The following CARMIL2 variants were observed in gnomAD, a reference collection of about 807,000 sequenced individuals.
CARMIL2 encodes the protein capping protein regulator and myosin 1 linker 2.
CARMIL2 carries 96 observed loss-of-function variants against 173.3 expected under a neutral mutation model. The ratio of observed to expected loss-of-function variants is 0.55; its 90% CI spans 0.47 to 0.66. CARMIL2 has a LOEUF of 0.66. CARMIL2 is among the 30% of genes least tolerant of loss of function. CARMIL2 has a pLI of 0.00. For synonymous variants in CARMIL2, 830 were observed against 817.1 expected (o/e 1.02, Z -0.27); for missense variants, 1,771 against 1,906.7 (o/e 0.93, Z 1.33).
At position 67,651,133 on chromosome 16, in the gene CARMIL2, G is replaced by T. The variant is rs2052713769; in HGVS notation, c.2185-54G>T. On this transcript the variant is annotated intron_variant, in intron 22 of 37. Transcript: ENST00000334583. The surrounding 1 kb of genome is among the most constrained non-coding windows in gnomAD (Gnocchi z 4.2). The stretch of plus-strand genomic sequence containing the variant: ...AAGAGCCTGGGAGGAAGGCAGGCAG[G>T]ATCTGGGAGACTGGGAGGGGGCTAG... The T allele has an allele frequency of 3.2e-6, 5 of 1,581,408 alleles. No individual in the cohort carries two copies. The highest frequency in any genetic ancestry group is 1.1e-5 in the South Asian group (1 of 87,494).
rs774513832 is a variant in CARMIL2, at chr16:67,647,297, A to T, written c.688-2A>T. On this transcript the variant is annotated splice_acceptor_variant, in intron 9 of 37. Transcript: ENST00000334583. LOFTEE classifies it high-confidence loss of function. ...CGTGAGCCGCCGCCCTCTGCTTCTC[A>T]GAGCCTTGAGGTCTCAGAACAGATT... is the stretch of plus-strand genomic sequence containing the variant. 6.2e-7 allele frequency: 1 copy of T among 1,605,166 alleles called. No homozygotes were observed. Among genetic ancestry groups the T allele is most frequent in the Admixed American group, 1.7e-5 (1 of 58,020 alleles).
chr16:67,652,433 C>T lies in CARMIL2; in HGVS notation c.2818-39C>T, dbSNP rs1431143914. On this transcript the variant is annotated intron_variant, in intron 27 of 37. Coordinates refer to ENST00000334583, the MANE Select transcript of CARMIL2 (RefSeq NM_001013838.3). The surrounding 1 kb of genome is among the most constrained non-coding windows in gnomAD (Gnocchi z 4.7). ...GAAAGGCAGCTCTTTTGGGTTGGTG[C>T]TCTCCTACCCCAGGCTGAGTTTGTG... 12 of 1,611,340 alleles carry T rather than the reference C, an allele frequency of 7.4e-6. No homozygotes were observed. Among genetic ancestry groups the T allele is most frequent in the Admixed American group, 1.7e-5 (1 of 59,836 alleles).
chr16:67,657,021 G>C lies in CARMIL2; in HGVS notation c.4117+140G>C. 1 of 794,806 alleles carries C rather than the reference G, an allele frequency of 1.3e-6. No homozygotes were observed. The highest frequency in any genetic ancestry group is 2.0e-6 in the Non-Finnish European group (1 of 502,488). The allele number at this position is 794,806 out of a possible 1,614,324, so 49.2% of individuals were successfully genotyped here. Reference sequence around the variant, plus strand: ...AAGAAATCAGGGAGCCAGAAGACCAGGTGCAAGGGTTTGACAGCAAGCCCT... The same window carrying C: ...AAGAAATCAGGGAGCCAGAAGACCACGTGCAAGGGTTTGACAGCAAGCCCT... On this transcript the variant is annotated intron_variant, in intron 36 of 37. Transcript: ENST00000334583. This position sits in a 1 kb window ranked among gnomAD's most constrained non-coding sequence, Gnocchi z 4.5.
chr16:67,645,201 C>T lies in CARMIL2; in HGVS notation c.-46C>T, dbSNP rs1201639445. ...TTCCTGTGTGCGCGCTCGTCCTCTG[C>T]TGTTTCCCGCCGGAGCTCGTTGGGC... On this transcript the variant is annotated 5_prime_UTR_variant, in exon 1 of 38. Coordinates refer to ENST00000334583, the MANE Select transcript of CARMIL2 (RefSeq NM_001013838.3). 2.0e-6 allele frequency: 3 copies of T among 1,506,700 alleles called. No individual in the cohort carries two copies. The South Asian group carries it at 3.6e-5, about 18-fold the overall frequency. The allele number at this position is 1,506,700 out of a possible 1,614,324, so 93.3% of individuals were successfully genotyped here.
chr16:67,646,367 C>T lies in CARMIL2; in HGVS notation c.374+57C>T, dbSNP rs576539432. ...GGGAGGAGGGAGTGCATGAGAAGGG[C>T]TGCTTCCCATCCCAGAGGCTGGAAG... On this transcript the variant is annotated intron_variant, in intron 5 of 37. Transcript: ENST00000334583. This position sits in a 1 kb window ranked among gnomAD's most constrained non-coding sequence, Gnocchi z 4.6. The T allele has an allele frequency of 1.9e-6, 3 of 1,607,308 alleles. No homozygotes were observed. The South Asian group carries it at 3.3e-5, about 18-fold the overall frequency.
intron 21 of CARMIL2, 28 bp from the exon 22 acceptor site, chr16:67,650,021 G>T (rs375786958): frequency 1.9e-6 from 3 of 1,613,402 alleles, no homozygotes; most frequent in Admixed American, 3.3e-5. Flanking sequence ...TCCGTCCCTC[G>T]GCATTTCTCA....
intron 32 of CARMIL2, 21 bp downstream of exon 32, chr16:67,654,921 C>T: frequency 6.2e-7 from 1 of 1,612,506 alleles, no homozygotes; most frequent in South Asian, 1.1e-5. Flanking sequence ...GGGACCTGAG[C>T]ATGAAGTGAG....
At position 67,646,255 on chromosome 16, in the gene CARMIL2, C is replaced by G; in HGVS notation, c.319C>G (p.Leu107Val). 1.9e-6 allele frequency: 3 copies of G among 1,613,768 alleles called. No homozygotes were observed. Among genetic ancestry groups the G allele is most frequent in the Non-Finnish European group, 2.5e-6 (3 of 1,179,862 alleles). ...TCCTGGTGTGGCCGCCCTGGAACAG[C>G]TGGCCCAGCACGTGGCTGCAGCCAT... is the stretch of plus-strand genomic sequence containing the variant. ...EFPGVAALEQ[L>V]AQHVAAAIKK... is the part of the protein sequence containing the mutation. Residue 107 changes from leucine to valine, a missense_variant, in exon 5 of 38, where the codon CTG (leucine) becomes GTG (valine). By Grantham distance (32) the Leu-to-Val change is conservative. This residue lies in a region of CARMIL2 where 944 missense variants were observed against 975.6 expected (regional missense o/e 0.97). Transcript: ENST00000334583. The surrounding 1 kb of genome is among the most constrained non-coding windows in gnomAD (Gnocchi z 4.6).
chr16:67,650,184 G>A (rs2052698319), intron 22 of CARMIL2, 34 bp downstream of exon 22: 12 of 1,558,458 alleles, frequency 7.7e-6, no homozygotes, highest in Non-Finnish European at 1.0e-5. Flanking sequence ...GAGAGGTAGG[G>A]CATGAGGAGA....
chr16:67,648,757 G>A lies in CARMIL2; in HGVS notation c.1509+3G>A, dbSNP rs1277548693. The stretch of plus-strand genomic sequence containing the variant: ...ACCTGGACCTCAGCGCTTGCGAGGT[G>A]AGCGCCGGCCCCCAGAAGAGACCAC... On this transcript the variant is annotated splice_donor_region_variant and intron_variant, in intron 16 of 37. Transcript: ENST00000334583. The surrounding 1 kb of genome is among the most constrained non-coding windows in gnomAD (Gnocchi z 6.1). The A allele has an allele frequency of 6.3e-7, 1 of 1,599,834 alleles. No individual in the cohort carries two copies. Among genetic ancestry groups the A allele is most frequent in the South Asian group, 1.1e-5 (1 of 88,654 alleles).
Position 67,646,791 on chromosome 16 carries a change from G to A in CARMIL2, c.537+7G>A. 2 of 1,613,894 alleles carry A rather than the reference G, an allele frequency of 1.2e-6. No individual in the cohort carries two copies. The highest frequency in any genetic ancestry group is 1.7e-6 in the Non-Finnish European group (2 of 1,179,810). The stretch of plus-strand genomic sequence containing the variant: ...CCGAGAGGAGATTCAGTGGGTGAGG[G>A]TAGGGCCCTTTTGAAGGGCTCTGGA... On this transcript the variant is annotated splice_region_variant and intron_variant, in intron 7 of 37. Transcript: ENST00000334583. This position sits in a 1 kb window ranked among gnomAD's most constrained non-coding sequence, Gnocchi z 4.6.
In CARMIL2 at chr16:67,648,339, G is replaced by A. The variant is rs772111698; in HGVS notation, c.1334+25G>A. 1.3e-6 allele frequency: 2 copies of A among 1,570,408 alleles called. No individual in the cohort carries two copies. Among genetic ancestry groups the A allele is most frequent in the South Asian group, 2.3e-5 (2 of 87,366 alleles). ...CGTAAGGGGGACCTGTCGGGGCCGG[G>A]GGAGGCTGCTGGAAGCCGCCTCCTT... On this transcript the variant is annotated intron_variant, in intron 14 of 37. Coordinates refer to ENST00000334583, the MANE Select transcript of CARMIL2 (RefSeq NM_001013838.3). This position sits in a 1 kb window ranked among gnomAD's most constrained non-coding sequence, Gnocchi z 6.1.
rs2052888220 is a variant in CARMIL2 at position 67,657,442 on chromosome 16, CCA to C, written c.4235_4236del (p.Thr1412ArgfsTer6). Reference sequence around the variant, plus strand: ...GGAACCGAGCCTCTGCCCCCACAGCCCACAGAGCCCTCCAGCCCTGAGCGGAG... The same window carrying C: ...GGAACCGAGCCTCTGCCCCCACAGCCCAGAGCCCTCCAGCCCTGAGCGGAG... On this transcript the variant is annotated frameshift_variant, in exon 38 of 38. Transcript: ENST00000334583. LOFTEE classifies it high-confidence loss of function. This position sits in a 1 kb window ranked among gnomAD's most constrained non-coding sequence, Gnocchi z 4.5. The C allele has an allele frequency of 6.2e-7, 1 of 1,610,544 alleles. No homozygotes were observed. Among genetic ancestry groups the C allele is most frequent in the Non-Finnish European group, 8.5e-7 (1 of 1,178,514 alleles).
Position 67,648,083 on chromosome 16 carries a change from T to C in CARMIL2, c.1103T>C (p.Val368Ala). The C allele has an allele frequency of 6.2e-7, 1 of 1,612,700 alleles. No homozygotes were observed. Among genetic ancestry groups the C allele is most frequent in the Non-Finnish European group, 8.5e-7 (1 of 1,179,480 alleles). The part of the protein sequence containing the change: ...GLYSFLSRPN[V>A]LSFLNLAGTD... ...TATAGCTTCCTGAGCCGTCCTAACG[T>C]ACTGTCGTTCCTGAATCTCGCAGGC... The change falls in exon 14 of 38, where the codon GTA becomes GCA. Residue 368 changes from valine (V) to alanine (A), a missense_variant. By Grantham distance (64) the Val-to-Ala change is moderately conservative. Around this residue, in one of 3 missense-constraint regions of CARMIL2, gnomAD observed 944 missense variants for 975.6 expected, o/e 0.97. Coordinates refer to ENST00000334583, the MANE Select transcript of CARMIL2 (RefSeq NM_001013838.3). The surrounding 1 kb of genome is among the most constrained non-coding windows in gnomAD (Gnocchi z 6.1).
In CARMIL2 at chr16:67,647,334, G is replaced by C; in HGVS notation, c.723G>C (p.Met241Ile). The C allele has an allele frequency of 6.3e-7, 1 of 1,592,474 alleles. No homozygotes were observed. The highest frequency in any genetic ancestry group is 8.6e-7 in the Non-Finnish European group (1 of 1,169,524). The stretch of plus-strand genomic sequence containing the variant: ...TCTCAGAACAGATTCTGCACATGAT[G>C]AGTCAGTCATCACACCTGGAGGAGC... ...LEVSEQILHM[M>I]SQSSHLEELV... Residue 241 changes from methionine (M) to isoleucine (I), a missense_variant, in exon 10 of 38, where the codon ATG becomes ATC. Around this residue, in one of 3 missense-constraint regions of CARMIL2, gnomAD observed 944 missense variants for 975.6 expected, o/e 0.97. Transcript: ENST00000334583.
In CARMIL2 at chr16:67,656,998, G is replaced by C. The variant is rs557385084; in HGVS notation, c.4117+117G>C. The C allele has an allele frequency of 5.7e-6, 5 of 883,422 alleles. No individual in the cohort carries two copies. The South Asian group carries it at 8.7e-5, about 15-fold the overall frequency. The allele number at this position is 883,422 out of a possible 1,614,324, so 54.7% of individuals were successfully genotyped here. A position where few individuals can be genotyped will look rare whatever the true frequency, so the allele number is the denominator to read the frequency against. On this transcript the variant is annotated intron_variant, in intron 36 of 37. Transcript: ENST00000334583. ...GAGCCACCAGTGTGTGAGGTCTCAA[G>C]AAATCAGGGAGCCAGAAGACCAGGT... is the stretch of plus-strand genomic sequence containing the variant.
intron 32 of CARMIL2, among the ~76,000 whole-genome samples, 191 bp downstream of exon 32, chr16:67,655,091 T>A (rs1053519737): frequency 1.3e-5 from 2 of 152,242 alleles, no homozygotes; most frequent in African/African-American, 4.8e-5. Context: ...CACCAGCATC[T>A]CCTCTTTGGA....
intron 3 of CARMIL2, 120 bp from the exon 4 acceptor site, chr16:67,645,898 G>A: frequency 6.4e-7 from 1 of 1,554,874 alleles, no homozygotes; most frequent in East Asian, 2.2e-5. Flanking sequence ...ACTGGGCTCT[G>A]GGCAGCCGAC....
rs1437534799 is a variant in CARMIL2, at chr16:67,654,362, G to A, written c.3252G>A (p.Glu1084=). 1 of 1,602,098 alleles carries A rather than the reference G, an allele frequency of 6.2e-7. No homozygotes were observed. Among genetic ancestry groups the A allele is most frequent in the South Asian group, 1.1e-5 (1 of 89,074 alleles). ...LWAPEEDPAT[E]GGATPVPRTL... ...CCCCCGAGGAGGACCCGGCCACTGA[G>A]GGGGGCGCCACTCCTGTCCCCCGTA... Residue 1084 remains glutamate, a synonymous_variant, in exon 31 of 38, where the codon GAG becomes GAA. Transcript: ENST00000334583.
Sources: gnomAD v4.1 joint callset for allele counts (sites outside exome capture counted in the v4.1 genomes callset) on GRCh38, gnomAD v4.1.1 for gene constraint, gnomAD v4.1.1 regional missense constraint, Gnocchi (gnomAD v3.1) non-coding constraint, MANE v1.5 for transcripts, NCBI Gene and HGNC (gene_info 2026-07-23, HGNC 2026-07-21) for gene names.